ATG101: variants seen among roughly 807,000 people sequenced by gnomAD.
The protein encoded by ATG101 is autophagy related 101.
Under a neutral mutation model 16.7 loss-of-function variants are expected in ATG101, and 6 were observed. The observed-to-expected ratio is 0.36, with a 90% CI of 0.20 to 0.71. ATG101 has a LOEUF of 0.71. Among genes scored for constraint, ATG101 ranks in the 30% least tolerant of loss-of-function variants. The probability of loss-of-function intolerance (pLI) is 0.57; values close to 1 mark genes in which losing one functional copy is unlikely to be tolerated. For synonymous variants in ATG101, 108 were observed against 118.1 expected, an observed-to-expected ratio of 0.91 and a Z score of 0.56; for missense variants, 200 against 292.5, an observed-to-expected ratio of 0.68 and a Z score of 2.31.
intron 2 of ATG101, among the ~76,000 whole-genome samples, chr12:52,073,114 A>G (rs1022233824): frequency 6.6e-6 from 1 of 152,158 alleles, no homozygotes; most frequent in Non-Finnish European, 1.5e-5. Flanking sequence ...TTAGTGATGC[A>G]TTGACTCTTC....
chr12:52,068,990 CAAAAAA>C (rs869030833), upstream of ATG101, among the ~76,000 whole-genome samples: 1,836 of 33,066 alleles, frequency 0.056, 5 homozygotes, highest in African/African-American at 0.11. Context: ...GACGCCGTCT[CAAAAAA>C]AAAAAAAAAA....
chr12:52,076,818 G>T lies in ATG101; in HGVS notation c.285G>T (p.Leu95=), dbSNP rs1368327780. The T allele has an allele frequency of 1.2e-6, 2 of 1,614,030 alleles. No homozygotes were observed. Among genetic ancestry groups the T allele is most frequent in the African/African-American group, 2.7e-5 (2 of 74,916 alleles). ...DALRNSGGDG[L]GQMSLEFYQK... Reference sequence around the variant, plus strand: ...TGCGCAACTCTGGTGGCGATGGGCTGGGGCAGATGTCCTTGGAGTTCTACC... The same window carrying T: ...TGCGCAACTCTGGTGGCGATGGGCTTGGGCAGATGTCCTTGGAGTTCTACC... The change falls in exon 4 of 4, where the codon CTG becomes CTT. Residue 95 remains leucine (L), a synonymous_variant. Transcript: ENST00000336854.
In ATG101 at chr12:52,073,789, A is replaced by C; in HGVS notation, c.139A>C (p.Ile47Leu). The change falls in exon 3 of 4, where the codon ATT becomes CTT. Residue 47 changes from isoleucine to leucine, a missense_variant. By Grantham distance (5) the Ile-to-Leu change is conservative. Coordinates refer to ENST00000336854, the MANE Select transcript of ATG101 (RefSeq NM_021934.5). ...FHYKKEGTYSIGTVGTQDVDC... is the reference protein window; with the variant it reads ...FHYKKEGTYSLGTVGTQDVDC... ...CTACAAGAAGGAGGGCACCTACTCC[A>C]TTGGCACCGTGGGCACCCAGGATGT... The C allele has an allele frequency of 6.2e-7, 1 of 1,614,210 alleles. No individual in the cohort carries two copies. The highest frequency in any genetic ancestry group is 8.5e-7 in the Non-Finnish European group (1 of 1,180,040).
chr12:52,072,138 T>C (rs992229381), intron 2 of ATG101, among the ~76,000 whole-genome samples: 2 of 152,252 alleles, frequency 1.3e-5, no homozygotes, highest in Non-Finnish European at 2.9e-5. Flanking sequence ...TTAAGTGTTT[T>C]ATACATGCTA....
At chr12:52,066,478 A>AAG (rs1939550329), upstream of ATG101, among the ~76,000 whole-genome samples, 1 of 152,098 alleles carries the variant, frequency 6.6e-6, no homozygotes, top group Admixed American at 6.6e-5. Flanking sequence ...TCATCAGAAC[A>AAG]CCCCACAGAC....
rs1939685139 is a variant in ATG101, at chr12:52,073,663, T to G, written c.13T>G (p.Ser5Ala). The G allele has an allele frequency of 6.2e-7, 1 of 1,613,088 alleles. No individual in the cohort carries two copies. Among genetic ancestry groups the G allele is most frequent in the Admixed American group, 1.7e-5 (1 of 59,970 alleles). Residue 5 changes from serine to alanine, a missense_variant, in exon 3 of 4, where the codon TCG becomes GCG. Transcript: ENST00000336854. MNCR[S>A]EVLEVSVEGR... ...TACTGGGTGCAGGATGAACTGTCGCTCGGAGGTGCTGGAGGTGTCGGTGGA... is the reference window on the plus strand; with the variant it reads ...TACTGGGTGCAGGATGAACTGTCGCGCGGAGGTGCTGGAGGTGTCGGTGGA...
At position 52,077,398 on chromosome 12, in the gene ATG101, C is replaced by T. The variant is rs887852558; in HGVS notation, c.*208C>T. On this transcript the variant is annotated 3_prime_UTR_variant, in exon 4 of 4. Transcript: ENST00000336854. ...GACGGTTCAGTCCTGCCTCTACTGT[C>T]TCTCCATAGCCCTGGTGGGGTCCCC... 15 of 617,098 alleles carry T rather than the reference C, an allele frequency of 2.4e-5. No individual in the cohort carries two copies. Among genetic ancestry groups the T allele is most frequent in the Non-Finnish European group, 3.4e-5 (12 of 356,912 alleles). The allele number at this position is 617,098 out of a possible 1,614,324, so 38.2% of individuals were successfully genotyped here.
chr12:52,074,088 C>CGT (rs1004161444), intron 3 of ATG101, among the ~76,000 whole-genome samples, 186 bp downstream of exon 3: 21 of 139,022 alleles, frequency 1.5e-4, no homozygotes, highest in South Asian at 2.4e-4. Context: ...CGCGCGGGCG[C>CGT]GTGTGTGTGT....
In ATG101 at chr12:52,077,234, T is replaced by A; in HGVS notation, c.*44T>A. The A allele has an allele frequency of 6.3e-7, 1 of 1,585,394 alleles. No homozygotes were observed. Among genetic ancestry groups the A allele is most frequent in the Non-Finnish European group, 8.6e-7 (1 of 1,163,248 alleles). ...GAGCTCCTTGATGGCTCCCAGACCT[T>A]GGCTTTTGGGAATTGCACTTTTGGG... On this transcript the variant is annotated 3_prime_UTR_variant, in exon 4 of 4. Transcript: ENST00000336854.
At chr12:52,068,393 C>A (rs558474535), upstream of ATG101, among the ~76,000 whole-genome samples, 1 of 150,906 alleles carries the variant, frequency 6.6e-6, no homozygotes, top group Admixed American at 6.6e-5. Flanking sequence ...CTTGTTTTGT[C>A]ATTCAGCCTG....
At chr12:52,071,666 A>AAATTAGCC (rs1939652707) in intron 2 of ATG101, among the ~76,000 whole-genome samples, 1 of 152,012 alleles carries the variant, frequency 6.6e-6, no homozygotes, top group Non-Finnish European at 1.5e-5. Flanking sequence ...AAAATACAAA[A>AAATTAGCC]AATTAGCCAG....
At chr12:52,074,140 G>T (rs1213095352) in intron 3 of ATG101, among the ~76,000 whole-genome samples, 1 of 152,248 alleles carries the variant, frequency 6.6e-6, no homozygotes, top group South Asian at 2.1e-4. Context: ...TGGGGGAAAA[G>T]GGAGAGCAGG....
chr12:52,065,332 C>A (rs1453523816), upstream of ATG101, among the ~76,000 whole-genome samples: 1 of 152,214 alleles, frequency 6.6e-6, no homozygotes, highest in Non-Finnish European at 1.5e-5. Flanking sequence ...ACTCTGAGCT[C>A]CCAGAGGGCT....
chr12:52,072,203 G>A (rs1565661066), intron 2 of ATG101, among the ~76,000 whole-genome samples: 1 of 152,230 alleles, frequency 6.6e-6, no homozygotes, highest in Non-Finnish European at 1.5e-5. Context: ...TTTTGTATAT[G>A]TGGCAGATAG....
chr12:52,073,527 A>C, intron 2 of ATG101, 48 bp from the exon 3 acceptor site: 2 of 1,243,562 alleles, frequency 1.6e-6, no homozygotes, highest in Non-Finnish European at 1.1e-6. Context: ...TGAACAGATA[A>C]CACGTGGACT....
At position 52,073,660 on chromosome 12, in the gene ATG101, C is replaced by T. The variant is rs377001163; in HGVS notation, c.10C>T (p.Arg4Cys). 9 of 1,612,790 alleles carry T rather than the reference C, an allele frequency of 5.6e-6. No individual in the cohort carries two copies. The highest frequency in any genetic ancestry group is 4.4e-5 in the South Asian group (4 of 91,006). The stretch of plus-strand genomic sequence containing the variant: ...GGTTACTGGGTGCAGGATGAACTGT[C>T]GCTCGGAGGTGCTGGAGGTGTCGGT... Reference protein sequence around the residue: MNCRSEVLEVSVEG... With the variant: MNCCSEVLEVSVEG... The change falls in exon 3 of 4, where the codon CGC becomes TGC. Residue 4 changes from arginine to cysteine, a missense_variant. Coordinates refer to ENST00000336854, the MANE Select transcript of ATG101 (RefSeq NM_021934.5).
intron 3 of ATG101, 78 bp from the exon 4 acceptor site, chr12:52,076,708 C>A: frequency 1.3e-6 from 2 of 1,499,682 alleles, no homozygotes; most frequent in South Asian, 2.5e-5. Flanking sequence ...GAGCATAATT[C>A]CCTGGGGTGT....
intron 3 of ATG101, 149 bp downstream of exon 3, chr12:52,074,051 T>A: frequency 8.2e-7 from 1 of 1,223,820 alleles, no homozygotes. Context: ...GAAACAGATG[T>A]GTTGAGAGCT....
rs1435803714 is a variant in ATG101 at position 52,076,981 on chromosome 12, G to A, written c.448G>A (p.Glu150Lys). ...CREKVGEKLC[E>K]KIINIVEVMN... ...GGAGAAGGTGGGTGAGAAACTCTGC[G>A]AGAAGATCATCAACATCGTGGAGGT... The change falls in exon 4 of 4, where the codon GAG (glutamate) becomes AAG (lysine). Residue 150 changes from glutamate to lysine, a missense_variant. Transcript: ENST00000336854. 4 of 1,614,194 alleles carry A rather than the reference G, an allele frequency of 2.5e-6. No individual in the cohort carries two copies. Among genetic ancestry groups the A allele is most frequent in the South Asian group, 1.1e-5 (1 of 91,082 alleles).
Sources: gnomAD v4.1 joint callset for allele counts (sites outside exome capture counted in the v4.1 genomes callset) on GRCh38, gnomAD v4.1.1 for gene constraint, MANE v1.5 for transcripts, NCBI Gene and HGNC (gene_info 2026-07-23, HGNC 2026-07-21) for gene names.